Variants in RAI14 observed in about 807,000 individuals in gnomAD.
RAI14 encodes retinoic acid induced 14.
Under a neutral mutation model 115.4 loss-of-function variants are expected in RAI14, and 45 were observed. The ratio of observed to expected loss-of-function variants is 0.39; its 90% CI spans 0.31 to 0.50. The LOEUF is 0.50. Among genes scored for constraint, RAI14 ranks in the 20% least tolerant of loss-of-function variants. RAI14 has a pLI of 0.85. For missense variants in RAI14, 939 were observed against 1,131.2 expected (o/e 0.83, Z 2.44); for synonymous variants, 371 against 415.4 (o/e 0.89, Z 1.30).
intron 2 of RAI14, among the ~76,000 whole-genome samples, chr5:34,719,196 A>G (rs1404495826): frequency 6.6e-6 from 1 of 152,194 alleles, no homozygotes; most frequent in Non-Finnish European, 1.5e-5. Context: ...TCTGACGGAT[A>G]ATGCTGGCTG....
chr5:34,723,902 A>G (rs528327757), intron 2 of RAI14, among the ~76,000 whole-genome samples: 1 of 152,116 alleles, frequency 6.6e-6, no homozygotes, highest in Non-Finnish European at 1.5e-5. Flanking sequence ...AAATTTCAAT[A>G]CTCATGCTAG....
chr5:34,723,318 T>A (rs1743038076), intron 2 of RAI14, among the ~76,000 whole-genome samples: 1 of 152,172 alleles, frequency 6.6e-6, no homozygotes, highest in Non-Finnish European at 1.5e-5. Context: ...GATTGTGGGC[T>A]GGCAGAATCG....
rs145557587 is a variant in RAI14, at chr5:34,769,689, T to C, written c.167+12091T>C. ...TTTAAATTGTCCCATAGCTTGGGGT[T>C]GGCAGAGTTGAGACCAAAATCAAGG... On this transcript the variant is annotated intron_variant, in intron 3 of 17. Coordinates refer to ENST00000265109, the MANE Select transcript of RAI14 (RefSeq NM_015577.3). 3.9e-5 allele frequency among the ~76,000 whole-genome samples: 6 copies of C among 152,308 alleles called. No individual in the cohort carries two copies. The East Asian group carries it at 1.2e-3, about 29-fold the overall frequency.
At chr5:34,781,161 G>A (rs1170474800) in intron 3 of RAI14, among the ~76,000 whole-genome samples, 1 of 140,576 alleles carries the variant, frequency 7.1e-6, no homozygotes, top group Non-Finnish European at 1.5e-5. Context: ...TTATAGGTGG[G>A]AATCGAACAA....
chr5:34,743,440 G>T (rs1288286875), intron 2 of RAI14, among the ~76,000 whole-genome samples: 1 of 151,962 alleles, frequency 6.6e-6, no homozygotes, highest in African/African-American at 2.4e-5. Context: ...TCAGATTTAG[G>T]GTCTATCCCG....
intron 3 of RAI14, among the ~76,000 whole-genome samples, chr5:34,785,650 C>T (rs925217667): frequency 6.6e-6 from 1 of 152,138 alleles, no homozygotes; most frequent in Non-Finnish European, 1.5e-5. Flanking sequence ...ATCTACCAAA[C>T]CTTTAAATTT....
chr5:34,767,742 C>T (rs897474300), intron 3 of RAI14, among the ~76,000 whole-genome samples: 1 of 151,766 alleles, frequency 6.6e-6, no homozygotes, highest in Admixed American at 6.6e-5. Context: ...CTGAAATCAC[C>T]TAGGATTTGG....
chr5:34,707,962 A>G (rs1740904512), intron 2 of RAI14, among the ~76,000 whole-genome samples: 1 of 152,194 alleles, frequency 6.6e-6, no homozygotes, highest in South Asian at 2.1e-4. Flanking sequence ...GAATGTTGAT[A>G]CAGGGGCGGG....
intron 2 of RAI14, among the ~76,000 whole-genome samples, chr5:34,701,664 A>T (rs1306255043): frequency 6.6e-6 from 1 of 152,184 alleles, no homozygotes; most frequent in Non-Finnish European, 1.5e-5. Context: ...TTGATGTCTC[A>T]TGCCTCTCTA....
chr5:34,799,540 A>ACACC lies in RAI14; in HGVS notation c.256+3513_256+3514insCACC, dbSNP rs70973013. Among the ~76,000 whole-genome samples the ACACC allele has an allele frequency of 1.7e-4, 9 of 53,774 alleles. No individual in the cohort carries two copies. In the Admixed American group the frequency reaches 2.1e-3, roughly 12 times the overall value. 35.3% of individuals were successfully genotyped at this position (53,774 alleles called of 152,430 possible). On this transcript the variant is annotated intron_variant, in intron 4 of 17. Coordinates refer to ENST00000265109, the MANE Select transcript of RAI14 (RefSeq NM_015577.3). ...CACACACACACACACACACACACACAAAACCACCTTTCAAAATCTATTACA... is the reference window on the plus strand; with the variant it reads ...CACACACACACACACACACACACACACACCAAACCACCTTTCAAAATCTATTACA...
At chr5:34,800,544 G>C (rs1182200509) in intron 4 of RAI14, among the ~76,000 whole-genome samples, 2 of 152,170 alleles carry the variant, frequency 1.3e-5, no homozygotes, top group East Asian at 1.9e-4. Context: ...GGTGTTAATA[G>C]TAGCAATGAG....
intron 1 of RAI14, among the ~76,000 whole-genome samples, chr5:34,659,828 A>G (rs1019899561): frequency 6.6e-6 from 1 of 152,180 alleles, no homozygotes; most frequent in African/African-American, 2.4e-5. Flanking sequence ...ATTAAATTCT[A>G]AGAAGATTAC....
At chr5:34,744,029 G>T (rs1745862545) in intron 2 of RAI14, among the ~76,000 whole-genome samples, 1 of 152,220 alleles carries the variant, frequency 6.6e-6, no homozygotes, top group South Asian at 2.1e-4. Context: ...AAATCATTTT[G>T]TCTGGATACT....
rs115256126 is a variant in RAI14, at chr5:34,760,757, C to T, written c.167+3159C>T. 7.2e-3 allele frequency among the ~76,000 whole-genome samples: 1,093 copies of T among 152,198 alleles called. 6 individuals are homozygous for T. Among genetic ancestry groups the T allele is most frequent in the Non-Finnish European group, 0.012 (801 of 68,014 alleles). ...TAAAATGCGTATAACATAAAATTTA[C>T]CATTTTAACCATTTTAAAGTATACA... On this transcript the variant is annotated intron_variant, in intron 3 of 17. Transcript: ENST00000265109.
intron 3 of RAI14, among the ~76,000 whole-genome samples, chr5:34,785,701 G>T (rs1468162589): frequency 2.6e-5 from 4 of 152,136 alleles, no homozygotes; most frequent in Non-Finnish European, 4.4e-5. Context: ...ATGTTTATCA[G>T]TAATTTTATT....
At chr5:34,752,346 G>T (rs1297488720) in intron 2 of RAI14, among the ~76,000 whole-genome samples, 3 of 152,306 alleles carry the variant, frequency 2.0e-5, no homozygotes, top group East Asian at 3.9e-4. Context: ...AAAATCAGCA[G>T]CAAATACTGA....
chr5:34,718,099 C>T (rs773152299), intron 2 of RAI14, among the ~76,000 whole-genome samples: 3 of 152,146 alleles, frequency 2.0e-5, no homozygotes, highest in Non-Finnish European at 4.4e-5. Flanking sequence ...AGTATATCAT[C>T]ATTTCCTCAG....
At position 34,827,399 on chromosome 5, in the gene RAI14, T is replaced by C. The variant is rs1334752728; in HGVS notation, c.2799+920T>C. On this transcript the variant is annotated intron_variant, in intron 16 of 17. Transcript: ENST00000265109. The surrounding 1 kb of genome is among the most constrained non-coding windows in gnomAD (Gnocchi z 4.2). Reference sequence around the variant, plus strand: ...GATGTGGACATCTTTCAAGAGCCATTATTTAGCTTACCACAATATCTGTTA... The same window carrying C: ...GATGTGGACATCTTTCAAGAGCCATCATTTAGCTTACCACAATATCTGTTA... Among the ~76,000 whole-genome samples, 1 of 152,226 alleles carries C rather than the reference T, an allele frequency of 6.6e-6. No individual in the cohort carries two copies. Among genetic ancestry groups the C allele is most frequent in the Admixed American group, 6.5e-5 (1 of 15,280 alleles).
At position 34,811,257 on chromosome 5, in the gene RAI14, T is replaced by C. The variant is rs1238526620; in HGVS notation, c.557+139T>C. 5 of 1,023,026 alleles carry C rather than the reference T, an allele frequency of 4.9e-6. No individual in the cohort carries two copies. In the African/African-American group the frequency reaches 6.4e-5, roughly 13 times the overall value. 63.4% of individuals were successfully genotyped at this position (1,023,026 alleles called of 1,614,324 possible). On this transcript the variant is annotated intron_variant, in intron 8 of 17. Transcript: ENST00000265109. ...CTTACCTTTTTAAAGTTCTACTGTTTCTGATAATCAAGAATCTATGTTGAC... is the reference window on the plus strand; with the variant it reads ...CTTACCTTTTTAAAGTTCTACTGTTCCTGATAATCAAGAATCTATGTTGAC...
Sources: allele counts gnomAD v4.1 joint callset (sites outside exome capture counted in the v4.1 genomes callset), GRCh38; gene constraint gnomAD v4.1.1; non-coding constraint Gnocchi (gnomAD v3.1); transcripts MANE v1.5; gene names NCBI Gene and HGNC (gene_info 2026-07-23, HGNC 2026-07-21).